GATAD1: variants seen among roughly 807,000 people sequenced by gnomAD.
The protein encoded by GATAD1 is GATA zinc finger domain-containing protein 1.
A neutral mutation model predicts 26.5 loss-of-function variants in GATAD1; 12 were observed. The ratio of observed to expected loss-of-function variants is 0.45; its 90% CI spans 0.29 to 0.73. The LOEUF (loss-of-function observed/expected upper bound fraction) is 0.73. Ranked by LOEUF, GATAD1 falls within the 30% of genes least tolerant of loss-of-function variation. The probability of loss-of-function intolerance (pLI) is 0.10; values close to 1 mark genes in which losing one functional copy is unlikely to be tolerated. For missense variants in GATAD1, 266 were observed against 342.1 expected (o/e 0.78, Z 1.75); for synonymous variants, 129 against 133.1 (o/e 0.97, Z 0.21).
the GATAD1 span, among the ~76,000 whole-genome samples, chr7:92,481,619 A>G: frequency 6.6e-6 from 1 of 152,310 alleles, no homozygotes; most frequent in African/African-American, 2.4e-5. Context: ...GGCTGTGTGT[A>G]ATGAAAAGGG....
Position 92,459,629 on chromosome 7 carries a change from T to G in GATAD1, c.*3067T>G, listed in dbSNP as rs755903200. Among the ~76,000 whole-genome samples the G allele has an allele frequency of 1.3e-4, 20 of 152,234 alleles. No homozygotes were observed. The highest frequency in any genetic ancestry group is 4.4e-5 in the Non-Finnish European group (3 of 68,040). ...AAAGGCCTTTCTTAACACCTTCGGA[T>G]TCTTTCTTTGAGAACTTTCCAGATT... On this transcript the variant is annotated 3_prime_UTR_variant, in exon 5 of 5. Coordinates refer to ENST00000287957, the MANE Select transcript of GATAD1 (RefSeq NM_021167.5).
chr7:92,464,422 G>A (rs1216511567), downstream of GATAD1, among the ~76,000 whole-genome samples: 1 of 152,172 alleles, frequency 6.6e-6, no homozygotes, highest in Non-Finnish European at 1.5e-5. Flanking sequence ...TGTTAGGCAG[G>A]TGGGCAAGAT....
At chr7:92,453,096 TG>T (rs1200580250) in intron 3 of GATAD1, among the ~76,000 whole-genome samples, 1 of 152,184 alleles carries the variant, frequency 6.6e-6, no homozygotes, top group East Asian at 1.9e-4. Context: ...CTCAGACACT[TG>T]GATAAAGGGT....
chr7:92,489,667 A>C, the GATAD1 span: 4 of 1,547,730 alleles, frequency 2.6e-6, no homozygotes, highest in Middle Eastern at 5.0e-4. Flanking sequence ...GGGTGAAACA[A>C]TTTTTAAGAA....
chr7:92,464,235 A>G (rs1225421241), downstream of GATAD1, among the ~76,000 whole-genome samples: 2 of 152,172 alleles, frequency 1.3e-5, no homozygotes, highest in South Asian at 2.1e-4. Context: ...TTTGCATGTG[A>G]TGTGAGGTGT....
the GATAD1 span, among the ~76,000 whole-genome samples, chr7:92,481,535 T>C: frequency 6.6e-6 from 1 of 152,052 alleles, no homozygotes; most frequent in Non-Finnish European, 1.5e-5. Context: ...AAGGTCAAGT[T>C]GTTTGGACAA....
chr7:92,469,869 G>T, the GATAD1 span: 6 of 777,250 alleles, frequency 7.7e-6, no homozygotes, highest in Non-Finnish European at 1.4e-5. Context: ...GCCCAGTGAG[G>T]GTGGTATTAA....
the GATAD1 span, chr7:92,489,461 A>G: frequency 1.3e-6 from 2 of 1,588,458 alleles, no homozygotes; most frequent in Non-Finnish European, 1.7e-6. Flanking sequence ...AGTTAAATTA[A>G]GGATGTAAAA....
the GATAD1 span, chr7:92,470,024 C>T: frequency 1.3e-6 from 1 of 778,726 alleles, no homozygotes; most frequent in Non-Finnish European, 2.4e-6. Flanking sequence ...TGATCTTGAA[C>T]TCCACCCCCA....
chr7:92,478,699 C>T, the GATAD1 span, among the ~76,000 whole-genome samples: 4 of 152,148 alleles, frequency 2.6e-5, no homozygotes, highest in Non-Finnish European at 1.5e-5. Flanking sequence ...TAATAAGAAG[C>T]AACCCTCACC....
At chr7:92,476,567 C>T in the GATAD1 span, among the ~76,000 whole-genome samples, 7 of 152,040 alleles carry the variant, frequency 4.6e-5, no homozygotes, top group African/African-American at 1.2e-4. Flanking sequence ...CTGTTTTTTA[C>T]TATTTCTTTC....
At chr7:92,471,624 G>T in the GATAD1 span, 1 of 152,196 alleles carries the variant, frequency 6.6e-6, no homozygotes, top group Non-Finnish European at 1.5e-5. Flanking sequence ...CATTTCTAAT[G>T]GAGGGTCCTG....
chr7:92,489,316 A>G, the GATAD1 span: 9 of 1,613,584 alleles, frequency 5.6e-6, no homozygotes, highest in South Asian at 6.6e-5. Context: ...TCTTCCAGTC[A>G]TCTTCACTAA....
At chr7:92,470,706 T>C in the GATAD1 span, 1 of 217,624 alleles carries the variant, frequency 4.6e-6, no homozygotes. Flanking sequence ...TTCCTTGTAA[T>C]GTTTTAAGAA....
rs1410405188 is a variant in GATAD1 at position 92,457,571 on chromosome 7, G to A, written c.*1009G>A. On this transcript the variant is annotated 3_prime_UTR_variant, in exon 5 of 5. Transcript: ENST00000287957. ...TCCTAGGCAAAAGCTGTAATTTCCA[G>A]AGAGACCATTAGGAACAGGTAGTAT... 1 of 152,186 alleles carries A rather than the reference G, an allele frequency of 6.6e-6. No homozygotes were observed. The highest frequency in any genetic ancestry group is 2.4e-5 in the African/African-American group (1 of 41,446). The allele number at this position is 152,186 out of a possible 1,614,324, so 9.4% of individuals were successfully genotyped here. A position where few individuals can be genotyped will look rare whatever the true frequency, so the allele number is the denominator to read the frequency against.
chr7:92,468,865 G>A, the GATAD1 span: 5 of 764,428 alleles, frequency 6.5e-6, no homozygotes, highest in Non-Finnish European at 1.2e-5. Context: ...TCGTGGGCTA[G>A]CAGGCCGGTC....
chr7:92,452,451 C>G (rs1789479054), intron 3 of GATAD1, among the ~76,000 whole-genome samples: 1 of 152,210 alleles, frequency 6.6e-6, no homozygotes, highest in Admixed American at 6.5e-5. Context: ...GCAAGAGGAG[C>G]CTGAGTGGGA....
chr7:92,447,841 G>T lies in GATAD1; in HGVS notation c.112G>T (p.Gly38Cys). ...ILCHHCTGRG[G>C]AGSGGAGSGA... ...CTGCCATCATTGCACTGGCCGGGGCGGCGCGGGCAGCGGGGGCGCAGGCTC... is the reference window on the plus strand; with the variant it reads ...CTGCCATCATTGCACTGGCCGGGGCTGCGCGGGCAGCGGGGGCGCAGGCTC... The change falls in exon 1 of 5, where the codon GGC becomes TGC. Residue 38 changes from glycine to cysteine, a missense_variant. Coordinates refer to ENST00000287957, the MANE Select transcript of GATAD1 (RefSeq NM_021167.5). The T allele has an allele frequency of 2.1e-6, 3 of 1,403,040 alleles. No individual in the cohort carries two copies. Among genetic ancestry groups the T allele is most frequent in the African/African-American group, 3.0e-5 (2 of 66,804 alleles). The allele number at this position is 1,403,040 out of a possible 1,614,324, so 86.9% of individuals were successfully genotyped here.
At chr7:92,483,383 C>T in the GATAD1 span, among the ~76,000 whole-genome samples, 217 of 152,294 alleles carry the variant, frequency 1.4e-3, 2 homozygotes, top group African/African-American at 4.8e-3. Context: ...AACTCAAATA[C>T]GTTGCTACTT....
Sources: allele counts gnomAD v4.1 joint callset (sites outside exome capture counted in the v4.1 genomes callset), GRCh38; gene constraint gnomAD v4.1.1; transcripts MANE v1.5; gene names NCBI Gene and HGNC (gene_info 2026-07-23, HGNC 2026-07-21).